The following PRKG2 variants were observed in gnomAD, a reference collection of about 807,000 sequenced individuals.
PRKG2 encodes the protein protein kinase cGMP-dependent 2.
In PRKG2, 33 loss-of-function variants were observed where a neutral mutation model predicts 97.2. The ratio of observed to expected loss-of-function variants is 0.34; its 90% CI spans 0.26 to 0.45. The LOEUF (loss-of-function observed/expected upper bound fraction) is 0.45. Ranked by LOEUF, PRKG2 falls within the 20% of genes least tolerant of loss-of-function variation. The probability of loss-of-function intolerance (pLI) is 1.00; values close to 1 mark genes in which losing one functional copy is unlikely to be tolerated. For missense variants in PRKG2, 638 were observed against 900.0 expected (o/e 0.71, Z 3.73); for synonymous variants, 330 against 321.8 (o/e 1.03, Z -0.27).
intron 6 of PRKG2, chr4:81,165,103 A>T (rs917384941): frequency 6.6e-6 from 1 of 152,120 alleles, no homozygotes; most frequent in African/African-American, 2.4e-5. Flanking sequence ...AATGAACTCT[A>T]GTATGTTGGT....
At position 81,135,202 on chromosome 4, in the gene PRKG2, A is replaced by T. The variant is rs1359290257; in HGVS notation, c.1729T>A (p.Leu577Met). ...TCTAGAATTAAGTTTTCTGGTTTCA[A>T]GTCTCTGTAGATAATACCTAGTCGA... ...LHRLGIIYRD[L>M]KPENLILDAE... is the part of the protein sequence containing the mutation. The change falls in exon 14 of 19, where the codon TTG becomes ATG. Residue 577 changes from leucine to methionine, a missense_variant. Leu to Met is a conservative substitution (Grantham distance 15). Around this residue, in one of 3 missense-constraint regions of PRKG2, gnomAD observed 304 missense variants for 460.5 expected, o/e 0.66. Transcript: ENST00000264399. 1 of 1,611,350 alleles carries T rather than the reference A, an allele frequency of 6.2e-7. No individual in the cohort carries two copies. Among genetic ancestry groups the T allele is most frequent in the Non-Finnish European group, 8.5e-7 (1 of 1,178,524 alleles).
intron 13 of PRKG2, among the ~76,000 whole-genome samples, chr4:81,136,037 C>T (rs1043002733): frequency 6.6e-6 from 1 of 152,058 alleles, no homozygotes; most frequent in Admixed American, 6.6e-5. Flanking sequence ...AAGCACAGTG[C>T]CTAACAGGTA....
At chr4:81,184,662 G>T (rs946220637) in intron 2 of PRKG2, among the ~76,000 whole-genome samples, 39 of 152,302 alleles carry the variant, frequency 2.6e-4, no homozygotes, top group African/African-American at 7.7e-4. Flanking sequence ...ACAGAAGTAG[G>T]CTTCAGAAGG....
Position 81,153,838 on chromosome 4 carries a change from T to C in PRKG2, c.913-117A>G, listed in dbSNP as rs28758819. 18,408 of 699,788 alleles carry C rather than the reference T, an allele frequency of 0.026. 2,507 individuals carry two copies. In the African/African-American group the frequency reaches 0.29, roughly 11 times the overall value. 43.3% of individuals were successfully genotyped at this position (699,788 alleles called of 1,614,324 possible). On this transcript the variant is annotated intron_variant, in intron 6 of 18. Coordinates refer to ENST00000264399, the MANE Select transcript of PRKG2 (RefSeq NM_006259.3). The stretch of plus-strand genomic sequence containing the variant: ...CGGCGCAGAAGACGGGTGATTTCTG[T>C]ATTTCCATCTGAGGTACCGGGTTCA...
chr4:81,133,602 A>C (rs1746374802), intron 14 of PRKG2, among the ~76,000 whole-genome samples: 1 of 152,202 alleles, frequency 6.6e-6, no homozygotes, highest in South Asian at 2.1e-4. Flanking sequence ...TGTTTCATCC[A>C]GTAGACATTT....
chr4:81,139,794 A>G (rs1367939010), intron 12 of PRKG2, among the ~76,000 whole-genome samples: 2 of 151,652 alleles, frequency 1.3e-5, no homozygotes, highest in Non-Finnish European at 2.9e-5. Context: ...AAAAAAAAAA[A>G]AAAAAAGAAT....
At chr4:81,126,385 T>TA (rs1745562374) in intron 14 of PRKG2, among the ~76,000 whole-genome samples, 1 of 152,240 alleles carries the variant, frequency 6.6e-6, no homozygotes, top group Admixed American at 6.5e-5. Context: ...ACTTTGGGTA[T>TA]ATACCCAGTA....
At chr4:81,155,056 T>C (rs1220905089) in intron 6 of PRKG2, among the ~76,000 whole-genome samples, 2 of 149,306 alleles carry the variant, frequency 1.3e-5, no homozygotes, top group African/African-American at 2.5e-5. Flanking sequence ...CGGGCGCCTG[T>C]AGTCCCAGCT....
chr4:81,157,050 G>C (rs1282171801), intron 6 of PRKG2, among the ~76,000 whole-genome samples: 1 of 152,098 alleles, frequency 6.6e-6, no homozygotes, highest in African/African-American at 2.4e-5. Flanking sequence ...ACATTCAAAG[G>C]CTAGCAGAAG....
intron 12 of PRKG2, among the ~76,000 whole-genome samples, chr4:81,139,179 T>A (rs1483816309): frequency 2.0e-5 from 3 of 152,136 alleles, no homozygotes; most frequent in Non-Finnish European, 4.4e-5. Context: ...ACAGAAAGAA[T>A]AACTATTAGA....
chr4:81,108,700 G>GCT (rs1393069782), intron 15 of PRKG2, among the ~76,000 whole-genome samples: 1 of 152,014 alleles, frequency 6.6e-6, no homozygotes, highest in African/African-American at 2.4e-5. Context: ...CTTGAGCCCA[G>GCT]CCTGGGTAAC....
intron 6 of PRKG2, among the ~76,000 whole-genome samples, chr4:81,157,098 A>G (rs1283236616): frequency 6.6e-6 from 1 of 152,220 alleles, no homozygotes; most frequent in African/African-American, 2.4e-5. Context: ...ACTGAAGGAA[A>G]TAGAGATACA....
chr4:81,158,026 C>T (rs368485931), intron 6 of PRKG2, among the ~76,000 whole-genome samples: 5 of 148,726 alleles, frequency 3.4e-5, no homozygotes, highest in South Asian at 2.1e-4. Flanking sequence ...GCACAAGACA[C>T]GGATGCCCTC....
At position 81,092,513 on chromosome 4, in the gene PRKG2, G is replaced by GAAGGAAGGAAGGAAGA. The variant is rs1553916436; in HGVS notation, c.2127-62_2127-61insTCTTCCTTCCTTCCTT. 485 of 983,320 alleles carry GAAGGAAGGAAGGAAGA rather than the reference G, an allele frequency of 4.9e-4. 10 individuals are homozygous for GAAGGAAGGAAGGAAGA. In the African/African-American group the frequency reaches 7.4e-3, roughly 15 times the overall value. 60.9% of individuals were successfully genotyped at this position (983,320 alleles called of 1,614,324 possible). ...GGAAGGAAGGAAGGAAGGAAGGAAG[G>GAAGGAAGGAAGGAAGA]GAGAAAGAAAGAGACGACAAAAAGG... On this transcript the variant is annotated intron_variant, in intron 17 of 18. Coordinates refer to ENST00000264399, the MANE Select transcript of PRKG2 (RefSeq NM_006259.3).
chr4:81,191,806 A>T (rs1277868186), intron 2 of PRKG2, among the ~76,000 whole-genome samples: 1 of 152,208 alleles, frequency 6.6e-6, no homozygotes, highest in East Asian at 1.9e-4. Context: ...AATGTCCAGC[A>T]GAATGGCCAA....
At chr4:81,151,703 C>A (rs1748419556) in intron 8 of PRKG2, among the ~76,000 whole-genome samples, 1 of 151,822 alleles carries the variant, frequency 6.6e-6, no homozygotes, top group African/African-American at 2.4e-5. Flanking sequence ...TTTCTCAGAC[C>A]CTTTTTTGAA....
intron 2 of PRKG2, among the ~76,000 whole-genome samples, chr4:81,193,801 C>T (rs1027842679): frequency 3.3e-5 from 5 of 152,244 alleles, no homozygotes; most frequent in African/African-American, 1.2e-4. Context: ...GATCACACTA[C>T]GGCACTCCAG....
intron 13 of PRKG2, 83 bp downstream of exon 13, chr4:81,137,310 C>T: frequency 1.0e-6 from 1 of 998,458 alleles, no homozygotes; most frequent in Non-Finnish European, 1.6e-6. Flanking sequence ...ATAATAATTT[C>T]CTAATGATTT....
chr4:81,108,981 A>G (rs557925468), intron 15 of PRKG2, among the ~76,000 whole-genome samples: 58 of 152,288 alleles, frequency 3.8e-4, no homozygotes, highest in Admixed American at 2.0e-3. Context: ...ACTGACATAC[A>G]TATCTGATTA....
Sources: gnomAD v4.1 joint callset for allele counts (sites outside exome capture counted in the v4.1 genomes callset) on GRCh38, gnomAD v4.1.1 for gene constraint, gnomAD v4.1.1 regional missense constraint, MANE v1.5 for transcripts, NCBI Gene and HGNC (gene_info 2026-07-23, HGNC 2026-07-21) for gene names.